The following LRRC3B variants were observed in gnomAD, a reference collection of about 807,000 sequenced individuals.
The protein encoded by LRRC3B is leucine-rich repeat-containing protein 3B.
In LRRC3B, 2 loss-of-function variants were observed where a neutral mutation model predicts 12.8. The ratio of observed to expected loss-of-function variants is 0.16; its 90% confidence interval spans 0.06 to 0.49. LRRC3B has a LOEUF of 0.49. Ranked by LOEUF, LRRC3B falls within the 20% of genes least tolerant of loss-of-function variation. LRRC3B has a pLI of 0.96. For synonymous variants in LRRC3B, 132 were observed against 122.0 expected (o/e 1.08, Z -0.54); for missense variants, 189 against 319.4 (o/e 0.59, Z 3.11).
chr3:26,706,315 C>T (rs1030087677), intron 1 of LRRC3B, among the ~76,000 whole-genome samples: 1 of 152,084 alleles, frequency 6.6e-6, no homozygotes, highest in African/African-American at 2.4e-5. Context: ...ATATTCAAAC[C>T]ACAGCAGCAT....
intron 1 of LRRC3B, among the ~76,000 whole-genome samples, chr3:26,681,611 G>C (rs906072133): frequency 6.6e-6 from 1 of 152,158 alleles, no homozygotes; most frequent in Non-Finnish European, 1.5e-5. Context: ...CTCTGGAGGT[G>C]AAATAGGATA....
chr3:26,655,077 CTGT>C (rs1699343502), intron 1 of LRRC3B, among the ~76,000 whole-genome samples: 2 of 152,136 alleles, frequency 1.3e-5, no homozygotes, highest in African/African-American at 4.8e-5. Flanking sequence ...ATCTGTCTGT[CTGT>C]CCATGAACAT....
At position 26,696,772 on chromosome 3, in the gene LRRC3B, C is replaced by CT. The variant is rs760257478; in HGVS notation, c.-160-12739dup. Among the ~76,000 whole-genome samples, 3 of 152,220 alleles carry CT rather than the reference C, an allele frequency of 2.0e-5. No individual in the cohort carries two copies. The East Asian group carries it at 5.8e-4, about 29-fold the overall frequency. On this transcript the variant is annotated intron_variant, in intron 1 of 1. Coordinates refer to ENST00000396641, the Ensembl canonical transcript of LRRC3B. The stretch of plus-strand genomic sequence containing the variant: ...TAGATCATAATTTAACTTTCTATGG[C>CT]TTAGAAAGTCTTGTACACCTCAATG...
chr3:26,681,065 TAA>T (rs1221295567), intron 1 of LRRC3B, among the ~76,000 whole-genome samples: 1 of 152,218 alleles, frequency 6.6e-6, no homozygotes, highest in Non-Finnish European at 1.5e-5. Flanking sequence ...GTAGGCTTTT[TAA>T]AAAAGTAGAT....
At chr3:26,690,369 T>G (rs1389157207) in intron 1 of LRRC3B, among the ~76,000 whole-genome samples, 1 of 152,158 alleles carries the variant, frequency 6.6e-6, no homozygotes, top group African/African-American at 2.4e-5. Flanking sequence ...TTATCTTACC[T>G]GCCATTTGGT....
intron 1 of LRRC3B, among the ~76,000 whole-genome samples, chr3:26,652,976 G>A (rs1314450656): frequency 1.3e-5 from 2 of 151,792 alleles, no homozygotes; most frequent in Non-Finnish European, 2.9e-5. Context: ...GGAGATAACT[G>A]TCATTTCCAC....
rs529066996 is a variant in LRRC3B at position 26,646,598 on chromosome 3, TAAAAAAAAAAAAAA to T, written c.-161+23386_-161+23399del. The stretch of plus-strand genomic sequence containing the variant: ...CCCAGAGGCCACTAAGGATAGGAGG[TAAAAAAAAAAAAAA>T]AAAAAAAAAAAAAAAAAAAAAAAAC... On this transcript the variant is annotated intron_variant, in intron 1 of 1. Coordinates refer to ENST00000396641, the Ensembl canonical transcript of LRRC3B. Among the ~76,000 whole-genome samples, 75 of 99,638 alleles carry T rather than the reference TAAAAAAAAAAAAAA, an allele frequency of 7.5e-4. 1 individual carries two copies. Among genetic ancestry groups the T allele is most frequent in the African/African-American group, 1.6e-3 (48 of 29,140 alleles). 65.4% of individuals were successfully genotyped at this position (99,638 alleles called of 152,430 possible). A position where few individuals can be genotyped will look rare whatever the true frequency, so the allele number is the denominator to read the frequency against.
intron 1 of LRRC3B, among the ~76,000 whole-genome samples, chr3:26,673,718 C>T (rs1699800367): frequency 6.6e-6 from 1 of 152,142 alleles, no homozygotes; most frequent in Non-Finnish European, 1.5e-5. Context: ...TGAGATCCCC[C>T]TCATATTATC....
At chr3:26,683,468 G>A (rs959513912) in intron 1 of LRRC3B, among the ~76,000 whole-genome samples, 1 of 152,128 alleles carries the variant, frequency 6.6e-6, no homozygotes, top group Non-Finnish European at 1.5e-5. Flanking sequence ...ATAAACAAGG[G>A]GGTTGGAAAA....
chr3:26,653,206 G>A (rs1699301755), intron 1 of LRRC3B, among the ~76,000 whole-genome samples: 1 of 152,124 alleles, frequency 6.6e-6, no homozygotes. Flanking sequence ...CTTAAGTGGG[G>A]AAAGAGGAAA....
chr3:26,703,574 A>G (rs1021814817), intron 1 of LRRC3B, among the ~76,000 whole-genome samples: 7 of 152,062 alleles, frequency 4.6e-5, no homozygotes. Flanking sequence ...TTAGGGGTGT[A>G]CATTTCGTGT....
intron 1 of LRRC3B, among the ~76,000 whole-genome samples, chr3:26,705,809 C>T (rs1260134553): frequency 6.6e-6 from 1 of 152,142 alleles, no homozygotes; most frequent in Non-Finnish European, 1.5e-5. Context: ...CTCATACCTT[C>T]CTTTTCCAAC....
intron 1 of LRRC3B, among the ~76,000 whole-genome samples, chr3:26,665,257 G>A (rs1057148942): frequency 7.9e-5 from 12 of 152,152 alleles, no homozygotes; most frequent in Admixed American, 7.9e-4. Flanking sequence ...TCTAATTCAA[G>A]GCCAGATCCC....
intron 1 of LRRC3B, among the ~76,000 whole-genome samples, chr3:26,707,795 A>G (rs1700638843): frequency 6.7e-6 from 1 of 149,836 alleles, no homozygotes; most frequent in African/African-American, 2.5e-5. Flanking sequence ...TTTCTTTCCC[A>G]TCTAGATTCC....
intron 1 of LRRC3B, among the ~76,000 whole-genome samples, chr3:26,660,765 G>C (rs574272032): frequency 2.0e-5 from 3 of 152,282 alleles, no homozygotes; most frequent in African/African-American, 7.2e-5. Flanking sequence ...TGTAGACCTT[G>C]AGGTCAGAGA....
At chr3:26,671,675 G>A (rs1002099584) in intron 1 of LRRC3B, among the ~76,000 whole-genome samples, 1 of 151,784 alleles carries the variant, frequency 6.6e-6, no homozygotes, top group South Asian at 2.1e-4. Context: ...TTACAGGTGC[G>A]AGCCACCGCA....
At chr3:26,645,032 A>T (rs779978521) in intron 1 of LRRC3B, among the ~76,000 whole-genome samples, 10 of 152,204 alleles carry the variant, frequency 6.6e-5, no homozygotes, top group Non-Finnish European at 1.3e-4. Context: ...AGACACAGAC[A>T]TACATCCATA....
intron 1 of LRRC3B, among the ~76,000 whole-genome samples, chr3:26,637,009 T>C (rs139715919): frequency 0.013 from 1,775 of 140,028 alleles, 190 homozygotes; most frequent in East Asian, 0.042. Context: ...TCTTTCTTTC[T>C]TTCTTTTGAG....
At chr3:26,675,865 T>C (rs62247434) in intron 1 of LRRC3B, among the ~76,000 whole-genome samples, 15,957 of 152,156 alleles carry the variant, frequency 0.1, 1,074 homozygotes, top group South Asian at 0.21. Flanking sequence ...TGATGAAACA[T>C]ACAATTTTTT....
Sources: allele counts gnomAD v4.1 joint callset (sites outside exome capture counted in the v4.1 genomes callset), GRCh38; gene constraint gnomAD v4.1.1; transcripts MANE v1.5; gene names NCBI Gene and HGNC (gene_info 2026-07-23, HGNC 2026-07-21).